The following ZNF385D variants were observed in gnomAD, a reference collection of about 807,000 sequenced individuals.
ZNF385D encodes the protein zinc finger protein 385D.
Under a neutral mutation model 35.8 loss-of-function variants are expected in ZNF385D, and 15 were observed. The observed-to-expected ratio is 0.42, with a 90% CI of 0.28 to 0.64. ZNF385D has a LOEUF of 0.64. Ranked by LOEUF, ZNF385D falls within the 30% of genes least tolerant of loss-of-function variation. The pLI is 0.23. For missense variants in ZNF385D, 474 were observed against 494.6 expected (o/e 0.96, Z 0.39); for synonymous variants, 212 against 186.8 (o/e 1.13, Z -1.10).
At chr3:22,024,916 T>C (rs1697443513) in intron 3 of ZNF385D, among the ~76,000 whole-genome samples, 1 of 152,098 alleles carries the variant, frequency 6.6e-6, no homozygotes, top group Non-Finnish European at 1.5e-5. Flanking sequence ...GAGAGTTTTA[T>C]CTCCTGTAGA....
chr3:22,191,930 T>A (rs946592497), intron 2 of ZNF385D, among the ~76,000 whole-genome samples: 2 of 152,162 alleles, frequency 1.3e-5, no homozygotes, highest in African/African-American at 2.4e-5. Context: ...AATGGTAATT[T>A]CCAGATTCAT....
At chr3:22,136,609 A>T (rs949503793) in intron 3 of ZNF385D, among the ~76,000 whole-genome samples, 10 of 152,222 alleles carry the variant, frequency 6.6e-5, no homozygotes, top group African/African-American at 2.4e-4. Context: ...TTAAACAGAC[A>T]TTTGATCAAA....
intron 3 of ZNF385D, among the ~76,000 whole-genome samples, chr3:21,997,170 A>G (rs544367900): frequency 6.6e-6 from 1 of 152,150 alleles, no homozygotes; most frequent in East Asian, 1.9e-4. Context: ...ATGCAGCTGT[A>G]AAAAAGGGTG....
intron 3 of ZNF385D, among the ~76,000 whole-genome samples, chr3:21,789,283 T>C (rs1038246800): frequency 1.3e-5 from 2 of 152,174 alleles, no homozygotes; most frequent in African/African-American, 4.8e-5. Flanking sequence ...CTGCCTACAA[T>C]GATAAATCAA....
chr3:21,786,033 T>TC (rs1553663513), intron 3 of ZNF385D, among the ~76,000 whole-genome samples: 1 of 151,932 alleles, frequency 6.6e-6, no homozygotes, highest in East Asian at 1.9e-4. Context: ...TTTTTTTTTT[T>TC]ACCATGTGAC....
intron 3 of ZNF385D, among the ~76,000 whole-genome samples, chr3:21,897,381 T>G (rs1331691999): frequency 3.3e-5 from 5 of 152,138 alleles, no homozygotes; most frequent in Non-Finnish European, 5.9e-5. Context: ...CCAATGTGCT[T>G]CTTCTGAGTA....
intron 2 of ZNF385D, among the ~76,000 whole-genome samples, chr3:21,601,173 T>C (rs1231612608): frequency 6.6e-6 from 1 of 152,210 alleles, no homozygotes; most frequent in African/African-American, 2.4e-5. Context: ...GAAAACAAGG[T>C]TGAATCCATA....
intron 3 of ZNF385D, among the ~76,000 whole-genome samples, chr3:21,552,819 A>G (rs1411083701): frequency 6.6e-6 from 1 of 152,240 alleles, no homozygotes; most frequent in Non-Finnish European, 1.5e-5. Flanking sequence ...AATATGTTAC[A>G]TTACATGACA....
At chr3:21,555,751 AT>A (rs1167897136) in intron 3 of ZNF385D, among the ~76,000 whole-genome samples, 1 of 152,158 alleles carries the variant, frequency 6.6e-6, no homozygotes, top group African/African-American at 2.4e-5. Context: ...GCTGGGTCAT[AT>A]GGTATTTCTG....
intron 2 of ZNF385D, among the ~76,000 whole-genome samples, chr3:22,365,491 A>G (rs1008147361): frequency 6.6e-6 from 1 of 152,102 alleles, no homozygotes; most frequent in African/African-American, 2.4e-5. Context: ...TTTCTAAAAA[A>G]AATTTTTTTT....
intron 3 of ZNF385D, among the ~76,000 whole-genome samples, chr3:21,920,669 C>G (rs1700413552): frequency 6.6e-6 from 1 of 150,554 alleles, no homozygotes; most frequent in Non-Finnish European, 1.5e-5. Context: ...CCTTCATGCT[C>G]TAGGATACTA....
chr3:22,081,309 G>A (rs144783694), intron 3 of ZNF385D, among the ~76,000 whole-genome samples: 27 of 152,234 alleles, frequency 1.8e-4, no homozygotes, highest in Non-Finnish European at 3.2e-4. Context: ...AACTGGGGAT[G>A]CGAGCTTAAA....
chr3:22,177,498 G>A (rs146689915), intron 2 of ZNF385D, among the ~76,000 whole-genome samples: 124 of 152,252 alleles, frequency 8.1e-4, no homozygotes, highest in African/African-American at 2.8e-3. Context: ...AGCCACTTAG[G>A]ATATTTGTAC....
At chr3:22,166,402 T>A (rs1322841672) in intron 3 of ZNF385D, among the ~76,000 whole-genome samples, 1 of 152,160 alleles carries the variant, frequency 6.6e-6, no homozygotes, top group African/African-American at 2.4e-5. Context: ...AAGGCATAGT[T>A]TGTACAGAAT....
chr3:21,902,896 C>T (rs1156320995), intron 3 of ZNF385D, among the ~76,000 whole-genome samples: 1 of 152,068 alleles, frequency 6.6e-6, no homozygotes, highest in Admixed American at 6.6e-5. Context: ...TAACTGGCTG[C>T]TTTACTGAAG....
chr3:21,464,683 G>A (rs536010669), intron 4 of ZNF385D, among the ~76,000 whole-genome samples: 16 of 149,624 alleles, frequency 1.1e-4, no homozygotes, highest in South Asian at 2.1e-4. Flanking sequence ...CTCCAAAATC[G>A]CTTCATATGA....
chr3:21,975,589 A>C (rs1388701118), intron 3 of ZNF385D, among the ~76,000 whole-genome samples: 1 of 151,962 alleles, frequency 6.6e-6, no homozygotes, highest in Non-Finnish European at 1.5e-5. Context: ...TGTTTGAGGG[A>C]ATGGATACCC....
At chr3:21,858,436 T>G (rs753306899) in intron 3 of ZNF385D, among the ~76,000 whole-genome samples, 13 of 151,202 alleles carry the variant, frequency 8.6e-5, no homozygotes, top group Non-Finnish European at 1.9e-4. Flanking sequence ...ATCCCCAGTG[T>G]GATAGTATTA....
intron 2 of ZNF385D, among the ~76,000 whole-genome samples, chr3:21,648,910 T>C (rs922924259): frequency 3.9e-5 from 6 of 152,284 alleles, no homozygotes; most frequent in Middle Eastern, 3.4e-3. Context: ...TTTCTAGCCA[T>C]AGTAGTATTA....
Sources: gnomAD v4.1 joint callset for allele counts (sites outside exome capture counted in the v4.1 genomes callset) on GRCh38, gnomAD v4.1.1 for gene constraint, MANE v1.5 for transcripts, NCBI Gene and HGNC (gene_info 2026-07-23, HGNC 2026-07-21) for gene names.